Variants in PROK2 observed in about 807,000 individuals in gnomAD.
The protein encoded by PROK2 is prokineticin-2.
PROK2 carries 8 observed loss-of-function variants against 14.2 expected under a neutral mutation model. The ratio of observed to expected loss-of-function variants is 0.56; its 90% CI spans 0.33 to 1.02. PROK2 has a LOEUF of 1.02. Among genes scored for constraint, PROK2 ranks in the 50% least tolerant of loss-of-function variants. The pLI, the probability that PROK2 is intolerant of heterozygous loss-of-function variation, is 0.03. For synonymous variants in PROK2, 59 were observed against 60.7 expected (o/e 0.97, Z 0.13); for missense variants, 154 against 160.4 (o/e 0.96, Z 0.22).
At chr3:71,782,516 T>G (rs1387393319) in intron 1 of PROK2, among the ~76,000 whole-genome samples, 1 of 152,174 alleles carries the variant, frequency 6.6e-6, no homozygotes, top group African/African-American at 2.4e-5. Context: ...TGCATGAAAA[T>G]GGATCTGAAG....
At chr3:71,776,852 T>C (rs1010331929) in intron 2 of PROK2, among the ~76,000 whole-genome samples, 4 of 152,192 alleles carry the variant, frequency 2.6e-5, no homozygotes, top group Non-Finnish European at 5.9e-5. Context: ...TAGTCCAAAC[T>C]TCATGGTTTA....
rs2050202270 is a variant in PROK2, at chr3:71,785,011, C to T, written c.42G>A (p.Leu14=). 8.0e-7 allele frequency: 1 copy of T among 1,248,304 alleles called. No homozygotes were observed. The allele number at this position is 1,248,304 out of a possible 1,614,324, so 77.3% of individuals were successfully genotyped here. The part of the protein sequence containing the change: ...LCCAPLLLLL[L]LPPLLLTPRA... ...GGGGCGTGAGCAGCAGCGGCGGCAG[C>T]AGCAAGAGGAGCAGGAGTGGGGCGC... The change falls in exon 1 of 4, where the codon CTG becomes CTA. Residue 14 remains leucine, a synonymous_variant. Transcript: ENST00000295619.
chr3:71,781,592 C>A lies in PROK2; in HGVS notation c.97G>T (p.Ala33Ser), dbSNP rs763035971. 1 of 1,610,594 alleles carries A rather than the reference C, an allele frequency of 6.2e-7. No individual in the cohort carries two copies. The highest frequency in any genetic ancestry group is 8.5e-7 in the Non-Finnish European group (1 of 1,177,006). Reference sequence around the variant, plus strand: ...CCACATTGGGAGTCCTTGTCACAAGCCTGAAATGTAATAAACAAACAGATA... The same window carrying A: ...CCACATTGGGAGTCCTTGTCACAAGACTGAAATGTAATAAACAAACAGATA... Reference protein sequence around the residue: ...RAGDAAVITGACDKDSQCGGG... With the variant: ...RAGDAAVITGSCDKDSQCGGG... Residue 33 changes from alanine to serine, a missense_variant and splice_region_variant, in exon 2 of 4, where the codon GCT (alanine) becomes TCT (serine). Transcript: ENST00000295619.
At chr3:71,782,114 C>A (rs1017645474) in intron 1 of PROK2, among the ~76,000 whole-genome samples, 3 of 152,184 alleles carry the variant, frequency 2.0e-5, no homozygotes, top group Non-Finnish European at 4.4e-5. Context: ...CTCATTTTCC[C>A]CTTCAAATAT....
At chr3:71,784,666 A>G (rs1488223061) in intron 1 of PROK2, among the ~76,000 whole-genome samples, 1 of 152,154 alleles carries the variant, frequency 6.6e-6, no homozygotes, top group Non-Finnish European at 1.5e-5. Context: ...AAATGCGAGG[A>G]GTGAGGCCGT....
chr3:71,774,202 T>C (rs967619517), intron 3 of PROK2, among the ~76,000 whole-genome samples: 2 of 152,224 alleles, frequency 1.3e-5, no homozygotes, highest in African/African-American at 4.8e-5. Context: ...ACATCAATGA[T>C]CTGTCCTTAT....
intron 2 of PROK2, among the ~76,000 whole-genome samples, chr3:71,780,596 C>T (rs1453738297): frequency 6.6e-6 from 1 of 152,182 alleles, no homozygotes; most frequent in Non-Finnish European, 1.5e-5. Flanking sequence ...GGCACTTTAC[C>T]AATGGGAAAA....
rs1176414836 is a variant in PROK2 at position 71,781,649 on chromosome 3, G to A, written c.97-57C>T. 18 of 1,553,604 alleles carry A rather than the reference G, an allele frequency of 1.2e-5. No homozygotes were observed. In the Admixed American group the frequency reaches 2.7e-4, roughly 23 times the overall value. On this transcript the variant is annotated intron_variant, in intron 1 of 3. Coordinates refer to ENST00000295619, the MANE Select transcript of PROK2 (RefSeq NM_001126128.2). Reference sequence around the variant, plus strand: ...GATAACAGGAAAGACTCAGGCTAAGGAAACCTAAAATTAGCAGTGAAATGC... The same window carrying A: ...GATAACAGGAAAGACTCAGGCTAAGAAAACCTAAAATTAGCAGTGAAATGC...
chr3:71,778,107 G>A (rs906773957), intron 2 of PROK2, among the ~76,000 whole-genome samples: 1 of 151,964 alleles, frequency 6.6e-6, no homozygotes, highest in African/African-American at 2.4e-5. Context: ...TGAGGCAGGA[G>A]AATGGCGTGA....
intron 3 of PROK2, among the ~76,000 whole-genome samples, chr3:71,773,676 T>C (rs191168838): frequency 6.6e-6 from 1 of 152,170 alleles, no homozygotes; most frequent in East Asian, 1.9e-4. Flanking sequence ...GGAAAAAACT[T>C]TAAAAGGAAC....
At position 71,774,607 on chromosome 3, in the gene PROK2, G is replaced by A. The variant is rs1487452322; in HGVS notation, c.223-100C>T. 69 of 1,429,262 alleles carry A rather than the reference G, an allele frequency of 4.8e-5. 1 individual carries two copies. The East Asian group carries it at 7.5e-4, about 16-fold the overall frequency. The allele number at this position is 1,429,262 out of a possible 1,614,324, so 88.5% of individuals were successfully genotyped here. ...TGCATGTAGTGAACTGGCGGAGCAA[G>A]ATACAGCCAAGCCATCCCAGTTCCT... On this transcript the variant is annotated intron_variant, in intron 2 of 3. Coordinates refer to ENST00000295619, the MANE Select transcript of PROK2 (RefSeq NM_001126128.2).
At chr3:71,784,161 T>G (rs948057721) in intron 1 of PROK2, among the ~76,000 whole-genome samples, 2 of 152,232 alleles carry the variant, frequency 1.3e-5, no homozygotes, top group African/African-American at 4.8e-5. Flanking sequence ...GACTATTTAG[T>G]ATTGTACTGC....
intron 3 of PROK2, among the ~76,000 whole-genome samples, chr3:71,774,063 C>A (rs1329381382): frequency 1.3e-5 from 2 of 152,194 alleles, no homozygotes; most frequent in Non-Finnish European, 2.9e-5. Flanking sequence ...CGAGTGACTA[C>A]AGACTCATGT....
intron 1 of PROK2, among the ~76,000 whole-genome samples, chr3:71,783,863 T>C (rs2108198914): frequency 6.6e-6 from 1 of 152,370 alleles, no homozygotes; most frequent in Admixed American, 6.5e-5. Flanking sequence ...GTTGGATATA[T>C]ACAAATGCTG....
At chr3:71,784,132 G>A (rs561377670) in intron 1 of PROK2, among the ~76,000 whole-genome samples, 14 of 152,280 alleles carry the variant, frequency 9.2e-5, no homozygotes, top group Non-Finnish European at 1.5e-4. Flanking sequence ...TAGCAGTTTT[G>A]CCTTGTTAAT....
chr3:71,773,283 T>C (rs1164176432), intron 3 of PROK2, among the ~76,000 whole-genome samples: 1 of 152,212 alleles, frequency 6.6e-6, no homozygotes, highest in Non-Finnish European at 1.5e-5. Context: ...CCCGGCCTGC[T>C]CAGTACTTTT....
At chr3:71,783,477 T>C (rs1474395525) in intron 1 of PROK2, among the ~76,000 whole-genome samples, 2 of 152,244 alleles carry the variant, frequency 1.3e-5, no homozygotes, top group African/African-American at 4.8e-5. Context: ...TAAAATTTTA[T>C]TTTGTAACAA....
intron 2 of PROK2, among the ~76,000 whole-genome samples, chr3:71,776,937 C>T (rs542888507): frequency 2.6e-5 from 4 of 152,102 alleles, no homozygotes; most frequent in East Asian, 1.9e-4. Flanking sequence ...TAGAAGTTAC[C>T]GAGGCAGAAC....
chr3:71,781,848 A>AT (rs199500523), intron 1 of PROK2, among the ~76,000 whole-genome samples: 32 of 151,866 alleles, frequency 2.1e-4, no homozygotes, highest in South Asian at 6.2e-4. Context: ...TAAACATAAG[A>AT]TTTTTTTTTA....
Sources: allele counts gnomAD v4.1 joint callset (sites outside exome capture counted in the v4.1 genomes callset), GRCh38; gene constraint gnomAD v4.1.1; transcripts MANE v1.5; gene names NCBI Gene and HGNC (gene_info 2026-07-23, HGNC 2026-07-21).